PLD5: variants seen among roughly 807,000 people sequenced by gnomAD.
The protein encoded by PLD5 is phospholipase D family member 5.
In PLD5, 36 loss-of-function variants were observed where a neutral mutation model predicts 61.1. The observed-to-expected ratio is 0.59, with a 90% CI of 0.45 to 0.78. The LOEUF (loss-of-function observed/expected upper bound fraction) is 0.78. Among genes scored for constraint, PLD5 ranks in the 30% least tolerant of loss-of-function variants. PLD5 has a pLI of 0.00. For synonymous variants in PLD5, 243 were observed against 242.8 expected (o/e 1.00, Z -0.01); for missense variants, 515 against 644.4 (o/e 0.80, Z 2.17).
intron 8 of PLD5, 38 bp downstream of exon 8, chr1:242,107,633 C>A: frequency 6.6e-7 from 1 of 1,523,290 alleles, no homozygotes; most frequent in Non-Finnish European, 8.8e-7. Flanking sequence ...AGAGGGCATT[C>A]ACTTTTTATT....
At chr1:242,332,875 C>A (rs1170725982) in intron 2 of PLD5, among the ~76,000 whole-genome samples, 1 of 152,112 alleles carries the variant, frequency 6.6e-6, no homozygotes, top group Non-Finnish European at 1.5e-5. Flanking sequence ...TCGTAGATAC[C>A]AAGTACTATA....
chr1:242,223,572 A>G (rs1354384651), intron 4 of PLD5, among the ~76,000 whole-genome samples: 1 of 152,206 alleles, frequency 6.6e-6, no homozygotes, highest in Non-Finnish European at 1.5e-5. Flanking sequence ...TTTATTGAAT[A>G]CCTGTGTGCC....
intron 1 of PLD5, among the ~76,000 whole-genome samples, chr1:242,380,323 C>T (rs57647669): frequency 0.21 from 31,926 of 152,068 alleles, 4,453 homozygotes; most frequent in African/African-American, 0.39. Flanking sequence ...TCAACAACAC[C>T]GCATAGCTAT....
intron 1 of PLD5, among the ~76,000 whole-genome samples, chr1:242,401,859 T>C (rs12731227): frequency 0.11 from 16,783 of 152,288 alleles, 1,131 homozygotes; most frequent in Middle Eastern, 0.19. Context: ...ACAGGGACCC[T>C]GCTTGTCCTG....
At chr1:242,429,821 C>T (rs1426788083) in intron 1 of PLD5, among the ~76,000 whole-genome samples, 3 of 152,184 alleles carry the variant, frequency 2.0e-5, no homozygotes, top group African/African-American at 7.2e-5. Context: ...TCTACTCCTC[C>T]TTCAAGCAAA....
At chr1:242,391,609 G>A (rs1662938693) in intron 1 of PLD5, among the ~76,000 whole-genome samples, 1 of 152,160 alleles carries the variant, frequency 6.6e-6, no homozygotes, top group Non-Finnish European at 1.5e-5. Flanking sequence ...TTTGACCAAA[G>A]AAAAGTTTCC....
intron 3 of PLD5, among the ~76,000 whole-genome samples, chr1:242,284,914 C>T (rs1674932602): frequency 6.6e-6 from 1 of 152,082 alleles, no homozygotes; most frequent in Admixed American, 6.5e-5. Context: ...TGTAAAGAGG[C>T]AAAGCAAAAT....
intron 1 of PLD5, among the ~76,000 whole-genome samples, chr1:242,422,535 T>TAA (rs1665201254): frequency 6.6e-6 from 1 of 152,228 alleles, no homozygotes; most frequent in Non-Finnish European, 1.5e-5. Flanking sequence ...ATTGCAACTG[T>TAA]AATACTTTGC....
intron 3 of PLD5, among the ~76,000 whole-genome samples, chr1:242,273,013 C>T (rs980398124): frequency 1.3e-5 from 2 of 152,040 alleles, no homozygotes; most frequent in African/African-American, 4.8e-5. Flanking sequence ...CACCTGTCAA[C>T]CCATCATCTG....
chr1:242,286,455 A>T (rs1317341620), intron 3 of PLD5, among the ~76,000 whole-genome samples: 1 of 152,206 alleles, frequency 6.6e-6, no homozygotes, highest in Non-Finnish European at 1.5e-5. Flanking sequence ...TCCCTGTACC[A>T]GGGTGAGAAA....
At chr1:242,401,887 G>A (rs966710929) in intron 1 of PLD5, among the ~76,000 whole-genome samples, 42 of 152,328 alleles carry the variant, frequency 2.8e-4, no homozygotes, top group East Asian at 1.5e-3. Flanking sequence ...GTGCATTTCC[G>A]ATAACTAGAG....
intron 5 of PLD5, among the ~76,000 whole-genome samples, chr1:242,135,028 T>C (rs1264053111): frequency 6.6e-6 from 1 of 152,238 alleles, no homozygotes. Flanking sequence ...TCCAGCCTTC[T>C]TGACTTTAGA....
chr1:242,396,467 C>A (rs900797682), intron 1 of PLD5, among the ~76,000 whole-genome samples: 1 of 152,114 alleles, frequency 6.6e-6, no homozygotes, highest in African/African-American at 2.4e-5. Context: ...TATTTCAAAA[C>A]ATTTTTCTGC....
intron 1 of PLD5, among the ~76,000 whole-genome samples, chr1:242,362,526 C>T (rs1419368276): frequency 1.3e-5 from 2 of 152,146 alleles, no homozygotes; most frequent in Admixed American, 6.5e-5. Flanking sequence ...GTATTCCTGG[C>T]CCTATAGGCC....
At chr1:242,280,382 T>C (rs1674653208) in intron 3 of PLD5, among the ~76,000 whole-genome samples, 1 of 152,224 alleles carries the variant, frequency 6.6e-6, no homozygotes, top group African/African-American at 2.4e-5. Flanking sequence ...AATTCTCACC[T>C]GAGCCAAATA....
At chr1:242,152,095 T>C (rs1664972160) in intron 5 of PLD5, among the ~76,000 whole-genome samples, 1 of 152,034 alleles carries the variant, frequency 6.6e-6, no homozygotes, top group South Asian at 2.1e-4. Flanking sequence ...CTCATCTCCC[T>C]GGGATAAAAT....
chr1:242,392,333 C>T (rs2149265450), intron 1 of PLD5, among the ~76,000 whole-genome samples: 1 of 152,262 alleles, frequency 6.6e-6, no homozygotes, highest in Admixed American at 6.5e-5. Flanking sequence ...GGGATGGGAT[C>T]ATTCATACCA....
chr1:242,237,560 G>A (rs1444249086), intron 4 of PLD5, among the ~76,000 whole-genome samples: 1 of 152,214 alleles, frequency 6.6e-6, no homozygotes, highest in Non-Finnish European at 1.5e-5. Context: ...TGCATGGTGG[G>A]CCACTGGTGT....
At chr1:242,384,194 A>T (rs1019165785) in intron 1 of PLD5, among the ~76,000 whole-genome samples, 1 of 152,188 alleles carries the variant, frequency 6.6e-6, no homozygotes, top group African/African-American at 2.4e-5. Context: ...TGATAACCAG[A>T]TGATTTTCCT....
Sources: gnomAD v4.1 joint callset for allele counts (sites outside exome capture counted in the v4.1 genomes callset) on GRCh38, gnomAD v4.1.1 for gene constraint, MANE v1.5 for transcripts, NCBI Gene and HGNC (gene_info 2026-07-23, HGNC 2026-07-21) for gene names.